Variants in SAMMSON observed in about 807,000 individuals in gnomAD.
The protein encoded by SAMMSON is survival associated mitochondrial melanoma specific oncogenic non-coding RNA, also known as long intergenic non-protein coding RNA 1212.
chr3:70,423,758 G>A (rs1351632117), intron 2 of SAMMSON, among the ~76,000 whole-genome samples: 1 of 152,126 alleles, frequency 6.6e-6, no homozygotes, highest in Non-Finnish European at 1.5e-5. Context: ...ACAGAATGGA[G>A]GAGTGAGGTC....
intron 6 of SAMMSON, among the ~76,000 whole-genome samples, chr3:70,285,155 C>G (rs1575615440): frequency 6.6e-6 from 1 of 151,078 alleles, no homozygotes; most frequent in East Asian, 2.0e-4. Flanking sequence ...GCACTGCACC[C>G]ACTAACTTGT....
intron 4 of SAMMSON, among the ~76,000 whole-genome samples, chr3:70,226,269 C>T (rs558618756): frequency 3.3e-5 from 5 of 152,220 alleles, no homozygotes; most frequent in East Asian, 1.9e-4. Flanking sequence ...CCTCTGCTTT[C>T]GGAATTTGCT....
At chr3:70,137,038 A>G (rs2067508857) in intron 4 of SAMMSON, among the ~76,000 whole-genome samples, 1 of 152,218 alleles carries the variant, frequency 6.6e-6, no homozygotes, top group Non-Finnish European at 1.5e-5. Context: ...CAGGAAACCC[A>G]TAGACACAAA....
At chr3:70,166,044 C>T (rs758819680) in intron 4 of SAMMSON, among the ~76,000 whole-genome samples, 2 of 151,928 alleles carry the variant, frequency 1.3e-5, no homozygotes, top group Non-Finnish European at 2.9e-5. Context: ...CTCCAATTTT[C>T]CTTATAGCTA....
At chr3:70,018,115 G>C (rs1231079732) in intron 3 of SAMMSON, among the ~76,000 whole-genome samples, 1 of 152,096 alleles carries the variant, frequency 6.6e-6, no homozygotes, top group African/African-American at 2.4e-5. Context: ...AGTGAGGGAG[G>C]ATTCCCTCTT....
chr3:70,173,237 C>T (rs925322705), intron 4 of SAMMSON, among the ~76,000 whole-genome samples: 10 of 151,790 alleles, frequency 6.6e-5, no homozygotes, highest in African/African-American at 2.4e-4. Context: ...TTCCTCAAAC[C>T]ATTTATTTTT....
At chr3:70,187,161 T>G (rs1051836006) in intron 4 of SAMMSON, among the ~76,000 whole-genome samples, 1 of 152,196 alleles carries the variant, frequency 6.6e-6, no homozygotes, top group Non-Finnish European at 1.5e-5. Context: ...AGCTTCTAAT[T>G]TGATTGATAC....
At chr3:70,051,965 G>A (rs934593125) in intron 3 of SAMMSON, among the ~76,000 whole-genome samples, 2 of 151,978 alleles carry the variant, frequency 1.3e-5, no homozygotes, top group African/African-American at 4.8e-5. Context: ...AGGCATGGTG[G>A]CATGTGCCTA....
chr3:70,204,723 C>G lies in SAMMSON; in HGVS notation n.508-44384C>G, dbSNP rs918198498. Reference sequence around the variant, plus strand: ...ATTTTAATGAAGTAGTGATTTGGGCCCTTTCCTGATAATACAAGAGTTAGG... The same window carrying G: ...ATTTTAATGAAGTAGTGATTTGGGCGCTTTCCTGATAATACAAGAGTTAGG... On this transcript the variant is annotated intron_variant and non_coding_transcript_variant, in intron 4 of 9. Coordinates refer to ENST00000642114, the Ensembl canonical transcript of SAMMSON. The G allele has an allele frequency of 4.0e-5, 6 of 151,674 alleles. No homozygotes were observed. The East Asian group carries it at 1.2e-3, about 29-fold the overall frequency. The allele number at this position is 151,674 out of a possible 1,614,324, so 9.4% of individuals were successfully genotyped here.
chr3:70,195,715 T>C (rs1423140887), intron 4 of SAMMSON, among the ~76,000 whole-genome samples: 2 of 152,192 alleles, frequency 1.3e-5, no homozygotes, highest in African/African-American at 4.8e-5. Flanking sequence ...AGTGAAAATA[T>C]TAAGATATAT....
chr3:70,276,885 A>G (rs1702032303), intron 6 of SAMMSON, among the ~76,000 whole-genome samples: 1 of 152,192 alleles, frequency 6.6e-6, no homozygotes, highest in Non-Finnish European at 1.5e-5. Flanking sequence ...GTCAAATTAC[A>G]CTCCAGAAAG....
At position 70,335,059 on chromosome 3, in the gene SAMMSON, T is replaced by TG. The variant is rs778756793; in HGVS notation, n.740-19112dup. 4.6e-3 allele frequency among the ~76,000 whole-genome samples: 117 copies of TG among 25,676 alleles called. 1 individual carries two copies. Among genetic ancestry groups the TG allele is most frequent in the African/African-American group, 8.5e-3 (76 of 8,982 alleles). The allele number at this position is 25,676 out of a possible 152,430, so 16.8% of individuals were successfully genotyped here. ...ACCCTCACCCATAAACCTACTGCTT[T>TG]GGGGAAAAAAAAAAAACAACTCTAT... On this transcript the variant is annotated intron_variant and non_coding_transcript_variant, in intron 7 of 9. Coordinates refer to ENST00000642114, the Ensembl canonical transcript of SAMMSON.
chr3:70,271,636 A>T (rs6549321), intron 6 of SAMMSON: 126,988 of 152,216 alleles, frequency 0.83, 53,291 homozygotes, highest in Non-Finnish European at 0.88. Context: ...CCCAGCTAAG[A>T]AACTGACTCA....
chr3:70,168,384 C>T (rs963322934), intron 4 of SAMMSON, among the ~76,000 whole-genome samples: 3 of 151,906 alleles, frequency 2.0e-5, no homozygotes, highest in Admixed American at 6.6e-5. Flanking sequence ...TCAGTAGTGG[C>T]GCCTTTTAAG....
At chr3:70,304,512 T>C (rs1559559146) in intron 7 of SAMMSON, among the ~76,000 whole-genome samples, 1 of 152,164 alleles carries the variant, frequency 6.6e-6, no homozygotes, top group Non-Finnish European at 1.5e-5. Flanking sequence ...CACTTCACCA[T>C]TCATCATTAC....
At chr3:70,343,873 A>T (rs1702730140) in intron 7 of SAMMSON, among the ~76,000 whole-genome samples, 1 of 150,284 alleles carries the variant, frequency 6.7e-6, no homozygotes, top group African/African-American at 2.4e-5. Context: ...AAAACCATAG[A>T]TTTTTGTTTC....
intron 4 of SAMMSON, among the ~76,000 whole-genome samples, chr3:70,216,232 A>G (rs1442169851): frequency 6.6e-6 from 1 of 150,424 alleles, no homozygotes; most frequent in Non-Finnish European, 1.5e-5. Context: ...TCCATATACA[A>G]TTAGAATATA....
At chr3:70,211,910 T>A (rs560674261) in intron 4 of SAMMSON, among the ~76,000 whole-genome samples, 67 of 151,592 alleles carry the variant, frequency 4.4e-4, no homozygotes, top group Non-Finnish European at 8.3e-4. Context: ...TTCCTTTCCT[T>A]TGTCCTTTCC....
At chr3:70,142,328 T>C (rs2067530797) in intron 4 of SAMMSON, among the ~76,000 whole-genome samples, 1 of 152,114 alleles carries the variant, frequency 6.6e-6, no homozygotes, top group Non-Finnish European at 1.5e-5. Flanking sequence ...GGTATATATA[T>C]ATGTATATGA....
Sources: allele counts gnomAD v4.1 joint callset (sites outside exome capture counted in the v4.1 genomes callset), GRCh38; gene constraint gnomAD v4.1.1; transcripts MANE v1.5; gene names NCBI Gene and HGNC (gene_info 2026-07-23, HGNC 2026-07-21).